The following EEFSEC variants were observed in gnomAD, a reference collection of about 807,000 sequenced individuals.
The protein encoded by EEFSEC is selenocysteine-specific elongation factor.
Under a neutral mutation model 42.1 loss-of-function variants are expected in EEFSEC, and 43 were observed. The ratio of observed to expected loss-of-function variants is 1.02; its 90% CI spans 0.80 to 1.32. The LOEUF (loss-of-function observed/expected upper bound fraction) is 1.32, where lower values mean the gene tolerates loss of function less well. Ranked by LOEUF, EEFSEC falls within the 40% of genes most tolerant of loss-of-function variation. EEFSEC has a pLI of 0.00. For missense variants in EEFSEC, 745 were observed against 803.6 expected (o/e 0.93, Z 0.88); for synonymous variants, 354 against 339.1 (o/e 1.04, Z -0.48).
intron 2 of EEFSEC, among the ~76,000 whole-genome samples, chr3:128,248,290 C>A (rs2107901534): frequency 6.6e-6 from 1 of 152,300 alleles, no homozygotes; most frequent in South Asian, 2.1e-4. Context: ...CCATGGAGGG[C>A]AAGCAAGTAG....
Position 128,408,170 on chromosome 3 carries a change from C to A in EEFSEC, c.1702C>A (p.Arg568=). 6.2e-7 allele frequency: 1 copy of A among 1,612,770 alleles called. No individual in the cohort carries two copies. The highest frequency in any genetic ancestry group is 8.5e-7 in the Non-Finnish European group (1 of 1,179,398). Residue 568 remains arginine (R), a synonymous_variant, in exon 7 of 7, where the codon CGG becomes AGG. Transcript: ENST00000254730. ...CACCAGGCAGGAGGAGAGCGCCGAG[C>A]GGAGCGAGCCCTCACAGCATGTGGT... ...EATRQEESAE[R]SEPSQHVVLS...
At chr3:128,318,588 C>T (rs922178528) in intron 4 of EEFSEC, among the ~76,000 whole-genome samples, 2 of 152,236 alleles carry the variant, frequency 1.3e-5, no homozygotes, top group Non-Finnish European at 2.9e-5. Context: ...CCTCCCTAAC[C>T]TCTCCACAGC....
chr3:128,311,975 T>A (rs2066894882), intron 4 of EEFSEC, among the ~76,000 whole-genome samples: 1 of 152,188 alleles, frequency 6.6e-6, no homozygotes, highest in Admixed American at 6.5e-5. Context: ...AACCTCTCTA[T>A]GTTGGAATCC....
At chr3:128,163,142 A>G (rs1270361688) in intron 1 of EEFSEC, among the ~76,000 whole-genome samples, 1 of 152,166 alleles carries the variant, frequency 6.6e-6, no homozygotes, top group Non-Finnish European at 1.5e-5. Flanking sequence ...CCCCTTTACC[A>G]GTAAAGGCTT....
At chr3:128,165,186 T>C (rs2065231927) in intron 1 of EEFSEC, among the ~76,000 whole-genome samples, 2 of 152,164 alleles carry the variant, frequency 1.3e-5, no homozygotes, top group African/African-American at 2.4e-5. Flanking sequence ...ATTGCTCAGC[T>C]ACTAGAAATG....
chr3:128,354,938 C>T (rs915149919), intron 5 of EEFSEC, among the ~76,000 whole-genome samples: 3 of 152,156 alleles, frequency 2.0e-5, no homozygotes, highest in Non-Finnish European at 2.9e-5. Context: ...GCACTGGGGA[C>T]GTGAATTGAT....
chr3:128,349,235 G>A (rs2067352721), intron 5 of EEFSEC, among the ~76,000 whole-genome samples: 1 of 152,140 alleles, frequency 6.6e-6, no homozygotes, highest in African/African-American at 2.4e-5. Context: ...CCCTGCAGGG[G>A]GGAGTAATGC....
intron 6 of EEFSEC, among the ~76,000 whole-genome samples, chr3:128,376,854 G>A (rs928972084): frequency 1.3e-5 from 2 of 152,104 alleles, no homozygotes; most frequent in African/African-American, 4.8e-5. Context: ...GTCAGGAATA[G>A]GTGATTGTTC....
intron 1 of EEFSEC, among the ~76,000 whole-genome samples, chr3:128,214,639 C>T (rs1174880757): frequency 6.6e-6 from 1 of 152,214 alleles, no homozygotes; most frequent in East Asian, 1.9e-4. Flanking sequence ...ATTGAGTAAC[C>T]ATTTGTGGCC....
At chr3:128,352,509 C>T (rs1259182541) in intron 5 of EEFSEC, among the ~76,000 whole-genome samples, 2 of 152,250 alleles carry the variant, frequency 1.3e-5, no homozygotes, top group African/African-American at 2.4e-5. Context: ...GGCACACAGG[C>T]TTCTCTGTAG....
intron 5 of EEFSEC, among the ~76,000 whole-genome samples, 182 bp downstream of exon 5, chr3:128,342,071 C>G (rs1305048595): frequency 6.6e-6 from 1 of 152,258 alleles, no homozygotes; most frequent in Non-Finnish European, 1.5e-5. Flanking sequence ...GTTCTCTCAG[C>G]TGGTCAGTCA....
intron 4 of EEFSEC, among the ~76,000 whole-genome samples, chr3:128,316,986 A>T (rs1167643146): frequency 3.3e-5 from 5 of 152,238 alleles, no homozygotes; most frequent in African/African-American, 1.2e-4. Flanking sequence ...TAGTTCAGCC[A>T]CGATGCCTCA....
At chr3:128,162,719 C>T (rs1017862891) in intron 1 of EEFSEC, among the ~76,000 whole-genome samples, 10 of 151,966 alleles carry the variant, frequency 6.6e-5, no homozygotes, top group African/African-American at 2.4e-4. Flanking sequence ...TGGGGCTTGC[C>T]CTTGAGAACA....
chr3:128,181,704 G>A (rs1423206313), intron 1 of EEFSEC, among the ~76,000 whole-genome samples: 1 of 152,184 alleles, frequency 6.6e-6, no homozygotes, highest in African/African-American at 2.4e-5. Flanking sequence ...CTGAGGCTGG[G>A]TTTCTTTAAC....
chr3:128,375,660 A>G (rs2067700836), intron 6 of EEFSEC, among the ~76,000 whole-genome samples: 7 of 152,100 alleles, frequency 4.6e-5, no homozygotes. Context: ...TCCTTCTCAA[A>G]CGGAGCAGGT....
At chr3:128,322,342 G>A (rs941978588) in intron 4 of EEFSEC, among the ~76,000 whole-genome samples, 1 of 152,264 alleles carries the variant, frequency 6.6e-6, no homozygotes, top group Non-Finnish European at 1.5e-5. Context: ...GAGCCCCTCA[G>A]TGTGGTGCCC....
chr3:128,261,232 G>A (rs1576588435), intron 2 of EEFSEC, among the ~76,000 whole-genome samples: 1 of 152,144 alleles, frequency 6.6e-6, no homozygotes, highest in South Asian at 2.1e-4. Context: ...CAACAACTTG[G>A]AGCAAATCAG....
intron 4 of EEFSEC, among the ~76,000 whole-genome samples, chr3:128,308,392 T>C (rs1372403780): frequency 6.6e-6 from 1 of 152,192 alleles, no homozygotes; most frequent in Non-Finnish European, 1.5e-5. Context: ...TTTCCTTGAG[T>C]ACCTACTGTG....
chr3:128,302,970 T>C (rs1212334517), intron 4 of EEFSEC, among the ~76,000 whole-genome samples: 3 of 152,212 alleles, frequency 2.0e-5, no homozygotes, highest in African/African-American at 7.2e-5. Flanking sequence ...ATTGATGGAC[T>C]GTTGCCTTTT....
Sources: gnomAD v4.1 joint callset for allele counts (sites outside exome capture counted in the v4.1 genomes callset) on GRCh38, gnomAD v4.1.1 for gene constraint, MANE v1.5 for transcripts, NCBI Gene and HGNC (gene_info 2026-07-23, HGNC 2026-07-21) for gene names.